The following RALGAPA2 variants were observed in gnomAD, a reference collection of about 807,000 sequenced individuals.
RALGAPA2 encodes the protein Ral GTPase activating protein catalytic subunit alpha 2, also known as ral GTPase-activating protein subunit alpha-2.
RALGAPA2 carries 139 observed loss-of-function variants against 230.4 expected under a neutral mutation model. The observed-to-expected ratio is 0.60, with a 90% CI of 0.53 to 0.69. The LOEUF (loss-of-function observed/expected upper bound fraction) is 0.69, where lower values mean the gene tolerates loss of function less well. Ranked by LOEUF, RALGAPA2 falls within the 30% of genes least tolerant of loss-of-function variation. RALGAPA2 has a pLI of 0.00. For missense variants in RALGAPA2, 2,163 were observed against 2,276.0 expected (o/e 0.95, Z 1.01); for synonymous variants, 847 against 837.8 (o/e 1.01, Z -0.19).
rs1014304981 is a variant in RALGAPA2, at chr20:20,524,836, G to A, written c.3756C>T (p.Asp1252=). The A allele has an allele frequency of 2.5e-6, 4 of 1,600,984 alleles. No individual in the cohort carries two copies. Among genetic ancestry groups the A allele is most frequent in the Non-Finnish European group, 3.4e-6 (4 of 1,175,466 alleles). ...TAGTTAATGTGCCACCTACCTTCTT[G>A]TCTGTTTCCACTGAGGAGTACTCTG... ...PSAEYSSVET[D]KKFIVSLLLC... is the part of the protein sequence containing the mutation. Residue 1252 remains aspartate (D), a synonymous_variant, in exon 29 of 40, where the codon GAC becomes GAT. Coordinates refer to ENST00000202677, the MANE Select transcript of RALGAPA2 (RefSeq NM_020343.4).
chr20:20,643,534 T>G lies in RALGAPA2; in HGVS notation c.344A>C (p.Lys115Thr), dbSNP rs2067110638. Residue 115 changes from lysine to threonine, a missense_variant, in exon 5 of 40, where the codon AAG (lysine) becomes ACG (threonine). Lys to Thr is a moderately conservative substitution (Grantham distance 78, BLOSUM62 -1). Transcript: ENST00000202677. ...HYQSIGSTLK[K>T]LLHTGNSIKI... is the part of the protein sequence containing the mutation. The stretch of plus-strand genomic sequence containing the variant: ...AATAGAATTTCCAGTGTGTAGAAGC[T>G]TCTTTAAAGTTGAGCCTGAAAGTTT... The G allele has an allele frequency of 6.8e-7, 1 of 1,471,936 alleles. No homozygotes were observed. The highest frequency in any genetic ancestry group is 1.4e-5 in the African/African-American group (1 of 70,904). 91.2% of individuals were successfully genotyped at this position (1,471,936 alleles called of 1,614,324 possible). A position where few individuals can be genotyped will look rare whatever the true frequency, so the allele number is the denominator to read the frequency against.
intron 24 of RALGAPA2, among the ~76,000 whole-genome samples, chr20:20,541,118 G>T (rs915729307): frequency 7.0e-6 from 1 of 141,878 alleles, no homozygotes; most frequent in Non-Finnish European, 1.5e-5. Context: ...TTGCCTACAC[G>T]TATCTTTTGT....
chr20:20,631,570 G>T (rs951026632), intron 9 of RALGAPA2, among the ~76,000 whole-genome samples: 3 of 152,226 alleles, frequency 2.0e-5, no homozygotes, highest in African/African-American at 7.2e-5. Flanking sequence ...AGGAATACAG[G>T]TGGCTTCTAG....
chr20:20,551,816 T>C (rs2063933575), intron 23 of RALGAPA2, among the ~76,000 whole-genome samples: 1 of 152,222 alleles, frequency 6.6e-6, no homozygotes, highest in Admixed American at 6.5e-5. Context: ...GAGCGATAAA[T>C]GTGTAAAATA....
At chr20:20,689,386 G>A (rs184079457) in intron 1 of RALGAPA2, among the ~76,000 whole-genome samples, 7 of 152,340 alleles carry the variant, frequency 4.6e-5, no homozygotes, top group African/African-American at 1.7e-4. Context: ...GCTCACGCCT[G>A]TAATCCCAGC....
chr20:20,595,093 T>C (rs1386282739), intron 16 of RALGAPA2, among the ~76,000 whole-genome samples: 9 of 152,228 alleles, frequency 5.9e-5, no homozygotes, highest in Non-Finnish European at 1.0e-4. Flanking sequence ...TTTCATTTTT[T>C]TCCACTGAGA....
chr20:20,596,855 C>T (rs1251947084), intron 16 of RALGAPA2, among the ~76,000 whole-genome samples: 1 of 152,210 alleles, frequency 6.6e-6, no homozygotes, highest in Non-Finnish European at 1.5e-5. Flanking sequence ...GCATTGCAGA[C>T]TATTCAGCAG....
chr20:20,455,650 C>T (rs1317927394), intron 37 of RALGAPA2, among the ~76,000 whole-genome samples: 2 of 152,152 alleles, frequency 1.3e-5, no homozygotes, highest in African/African-American at 4.8e-5. Flanking sequence ...GTTCCTCCAG[C>T]GGCTGAGAGG....
chr20:20,537,055 C>T (rs1424631812), intron 24 of RALGAPA2, among the ~76,000 whole-genome samples: 2 of 152,152 alleles, frequency 1.3e-5, no homozygotes, highest in Non-Finnish European at 2.9e-5. Context: ...ATGACTCTGT[C>T]ATGACTGTTT....
intron 38 of RALGAPA2, among the ~76,000 whole-genome samples, chr20:20,406,505 G>A (rs983660583): frequency 6.6e-6 from 1 of 152,252 alleles, no homozygotes; most frequent in African/African-American, 2.4e-5. Flanking sequence ...CAAGGCAGTT[G>A]TCTGTAGGAC....
chr20:20,667,487 A>C (rs937335795), intron 3 of RALGAPA2, among the ~76,000 whole-genome samples: 1 of 152,258 alleles, frequency 6.6e-6, no homozygotes, highest in Non-Finnish European at 1.5e-5. Flanking sequence ...GAGTCAGTAC[A>C]TATAGGCGTG....
At chr20:20,505,136 CT>C in intron 34 of RALGAPA2, 2 of 985,444 alleles carry the variant, frequency 2.0e-6, no homozygotes, top group Non-Finnish European at 2.4e-6. Context: ...TTACTACAAA[CT>C]GTCTATGTCT....
intron 37 of RALGAPA2, among the ~76,000 whole-genome samples, chr20:20,436,573 G>A (rs2060618572): frequency 6.6e-6 from 1 of 152,218 alleles, no homozygotes; most frequent in Non-Finnish European, 1.5e-5. Flanking sequence ...GCCCTGGCCA[G>A]GACACAAAGG....
chr20:20,421,971 T>C (rs188880530), intron 37 of RALGAPA2, among the ~76,000 whole-genome samples: 2 of 152,348 alleles, frequency 1.3e-5, no homozygotes, highest in South Asian at 2.1e-4. Flanking sequence ...GAAGTATTGA[T>C]ACCTGCTGTG....
intron 38 of RALGAPA2, among the ~76,000 whole-genome samples, chr20:20,402,620 T>A (rs1209473046): frequency 2.0e-5 from 3 of 152,214 alleles, no homozygotes; most frequent in Admixed American, 2.0e-4. Flanking sequence ...CCCCAGGGAA[T>A]GTTCAGGCAG....
At chr20:20,649,344 G>C (rs1195826681) in intron 4 of RALGAPA2, among the ~76,000 whole-genome samples, 1 of 152,172 alleles carries the variant, frequency 6.6e-6, no homozygotes, top group Non-Finnish European at 1.5e-5. Context: ...TAGGGACCTT[G>C]AGAAATGAGA....
chr20:20,631,157 AG>A (rs1328718242), intron 9 of RALGAPA2, among the ~76,000 whole-genome samples: 1 of 152,212 alleles, frequency 6.6e-6, no homozygotes, highest in Admixed American at 6.5e-5. Context: ...AGCCCTGAGT[AG>A]GCATATGAGA....
intron 37 of RALGAPA2, among the ~76,000 whole-genome samples, chr20:20,444,882 ACTGT>A (rs1340659726): frequency 5.9e-5 from 9 of 152,344 alleles, no homozygotes; most frequent in South Asian, 4.1e-4. Flanking sequence ...TAAACTGCAC[ACTGT>A]CTGTCCTTTT....
intron 3 of RALGAPA2, among the ~76,000 whole-genome samples, chr20:20,673,955 A>G (rs2068229214): frequency 6.6e-6 from 1 of 152,154 alleles, no homozygotes; most frequent in East Asian, 1.9e-4. Flanking sequence ...CAGGAGGCCA[A>G]GGCAGGAAGA....
Sources: gnomAD v4.1 joint callset for allele counts (sites outside exome capture counted in the v4.1 genomes callset) on GRCh38, gnomAD v4.1.1 for gene constraint, MANE v1.5 for transcripts, NCBI Gene and HGNC (gene_info 2026-07-23, HGNC 2026-07-21) for gene names.